The following PTPRD variants were observed in gnomAD, a reference collection of about 807,000 sequenced individuals.
The protein encoded by PTPRD is receptor-type tyrosine-protein phosphatase delta.
A neutral mutation model predicts 214.5 loss-of-function variants in PTPRD; 34 were observed. That is an observed-to-expected ratio of 0.16 (90% CI 0.12 to 0.21). The LOEUF is 0.21. Among genes scored for constraint, PTPRD ranks in the 10% least tolerant of loss-of-function variants. PTPRD has a pLI of 1.00. For missense variants in PTPRD, 2,545 were observed against 2,398.7 expected, an observed-to-expected ratio of 1.06 and a Z score of -1.27; for synonymous variants, 1,128 against 845.7, an observed-to-expected ratio of 1.33 and a Z score of -5.79.
chr9:9,716,835 G>A (rs2097844456), intron 7 of PTPRD, among the ~76,000 whole-genome samples: 1 of 151,714 alleles, frequency 6.6e-6, no homozygotes, highest in Non-Finnish European at 1.5e-5. Flanking sequence ...CTTTTGCTGT[G>A]CAGAAGCTCT....
At chr9:8,886,880 A>G (rs1417120389) in intron 11 of PTPRD, among the ~76,000 whole-genome samples, 1 of 152,232 alleles carries the variant, frequency 6.6e-6, no homozygotes, top group Non-Finnish European at 1.5e-5. Flanking sequence ...AGATATACAC[A>G]CACAAACTGC....
At chr9:9,227,785 G>A (rs557114848) in intron 9 of PTPRD, among the ~76,000 whole-genome samples, 69 of 152,214 alleles carry the variant, frequency 4.5e-4, no homozygotes, top group Non-Finnish European at 7.2e-4. Flanking sequence ...CCATGTGAAT[G>A]AGCCATCTTG....
At chr9:9,968,739 C>A (rs2094887505) in intron 4 of PTPRD, among the ~76,000 whole-genome samples, 1 of 152,028 alleles carries the variant, frequency 6.6e-6, no homozygotes, top group Admixed American at 6.5e-5. Flanking sequence ...ACAACAACAA[C>A]AACAAAAACC....
At chr9:8,330,597 G>T (rs1215088883) in intron 44 of PTPRD, among the ~76,000 whole-genome samples, 1 of 151,934 alleles carries the variant, frequency 6.6e-6, no homozygotes, top group African/African-American at 2.4e-5. Flanking sequence ...ATAGATAAAG[G>T]TTTGCTTCTT....
chr9:8,522,769 A>C (rs973634995), intron 19 of PTPRD, among the ~76,000 whole-genome samples: 1 of 152,172 alleles, frequency 6.6e-6, no homozygotes, highest in African/African-American at 2.4e-5. Flanking sequence ...TACTGGCAAA[A>C]TGTCATACCA....
chr9:10,165,774 TA>T (rs906670336), intron 3 of PTPRD, among the ~76,000 whole-genome samples: 11 of 151,056 alleles, frequency 7.3e-5, no homozygotes, highest in African/African-American at 1.9e-4. Flanking sequence ...TATTTTCTCT[TA>T]AAAAAAACCA....
chr9:8,788,306 G>C (rs570640858), intron 11 of PTPRD, among the ~76,000 whole-genome samples: 21 of 110,590 alleles, frequency 1.9e-4, no homozygotes, highest in Admixed American at 1.4e-4. Context: ...ATGGAGTTTC[G>C]CTTTTGTCGC....
At chr9:9,194,756 TA>T (rs2099937279) in intron 9 of PTPRD, among the ~76,000 whole-genome samples, 1 of 152,112 alleles carries the variant, frequency 6.6e-6, no homozygotes. Flanking sequence ...ATAGTTCTAA[TA>T]GCACATTGCA....
At chr9:10,554,834 G>C (rs1285830100) in intron 2 of PTPRD, among the ~76,000 whole-genome samples, 1 of 151,930 alleles carries the variant, frequency 6.6e-6, no homozygotes, top group Non-Finnish European at 1.5e-5. Context: ...CTAATTTTTT[G>C]TATTTTTAGT....
chr9:10,347,603 G>A (rs1400739883), intron 2 of PTPRD, among the ~76,000 whole-genome samples: 2 of 151,646 alleles, frequency 1.3e-5, no homozygotes, highest in Non-Finnish European at 2.9e-5. Flanking sequence ...TAGAGACGGG[G>A]TTTCTCCATG....
chr9:8,892,388 C>T (rs2098547214), intron 11 of PTPRD, among the ~76,000 whole-genome samples: 1 of 151,958 alleles, frequency 6.6e-6, no homozygotes, highest in Non-Finnish European at 1.5e-5. Context: ...GAAATCCTTG[C>T]CCAATTTATT....
intron 3 of PTPRD, among the ~76,000 whole-genome samples, chr9:10,117,847 G>C (rs17681526): frequency 6.6e-6 from 1 of 151,912 alleles, no homozygotes; most frequent in South Asian, 2.1e-4. Context: ...TGTCTCCAGA[G>C]AAGATTTATG....
chr9:9,140,660 G>T (rs766552256), intron 10 of PTPRD, among the ~76,000 whole-genome samples: 1 of 152,166 alleles, frequency 6.6e-6, no homozygotes, highest in East Asian at 1.9e-4. Context: ...CTCACTGCAG[G>T]CTTCGCCTCC....
At chr9:9,954,006 G>C (rs893139251) in intron 4 of PTPRD, among the ~76,000 whole-genome samples, 1 of 151,914 alleles carries the variant, frequency 6.6e-6, no homozygotes, top group African/African-American at 2.4e-5. Flanking sequence ...GCACTTGATT[G>C]AAAGAGCAGG....
In PTPRD at chr9:9,204,952, C is replaced by T. The variant is rs149336595; in HGVS notation, c.-202-21589G>A. 1.5e-3 allele frequency among the ~76,000 whole-genome samples: 226 copies of T among 152,136 alleles called. 3 individuals are homozygous for T. In the East Asian group the frequency reaches 0.016, roughly 11 times the overall value. On this transcript the variant is annotated intron_variant, in intron 9 of 45. Transcript: ENST00000381196. The stretch of plus-strand genomic sequence containing the variant: ...TAGGATACACTTCCTCAAGTATCTG[C>T]GGCATTAAAGAAAAGGTGAAGTGTG...
intron 14 of PTPRD, among the ~76,000 whole-genome samples, chr9:8,607,612 C>T (rs2095280326): frequency 6.6e-6 from 1 of 152,022 alleles, no homozygotes; most frequent in Admixed American, 6.6e-5. Context: ...CACTGCACTC[C>T]AGCCTGGGAG....
intron 9 of PTPRD, among the ~76,000 whole-genome samples, chr9:9,228,801 C>T (rs764986288): frequency 7.2e-5 from 11 of 152,074 alleles, no homozygotes; most frequent in African/African-American, 2.7e-4. Context: ...TTTCCCTTGT[C>T]TTGCCTTCGT....
chr9:9,258,594 T>C (rs557892446), intron 9 of PTPRD, among the ~76,000 whole-genome samples: 1 of 152,030 alleles, frequency 6.6e-6, no homozygotes, highest in East Asian at 2.0e-4. Flanking sequence ...TTCAAATATT[T>C]TTATGGTCAT....
chr9:9,506,920 T>C (rs891303371), intron 8 of PTPRD, among the ~76,000 whole-genome samples: 20 of 151,388 alleles, frequency 1.3e-4, no homozygotes, highest in African/African-American at 4.8e-4. Flanking sequence ...GTTTTAAGAT[T>C]ATAGAAAATT....
Sources: allele counts gnomAD v4.1 joint callset (sites outside exome capture counted in the v4.1 genomes callset), GRCh38; gene constraint gnomAD v4.1.1; transcripts MANE v1.5; gene names NCBI Gene and HGNC (gene_info 2026-07-23, HGNC 2026-07-21).